The following SUGT1 variants were observed in gnomAD, a reference collection of about 807,000 sequenced individuals.
The protein encoded by SUGT1 is SGT1 assembly cochaperone of MIS12 kinetochore complex, also known as protein SGT1 homolog.
SUGT1 carries 15 observed loss-of-function variants against 56.1 expected under a neutral mutation model. The observed-to-expected ratio is 0.27, with a 90% CI of 0.18 to 0.41. SUGT1 has a LOEUF of 0.41. Ranked by LOEUF, SUGT1 falls within the 10% of genes least tolerant of loss-of-function variation. SUGT1 has a pLI of 1.00. For missense variants in SUGT1, 347 were observed against 382.2 expected (o/e 0.91, Z 0.77); for synonymous variants, 123 against 128.6 (o/e 0.96, Z 0.30).
At chr13:52,673,980 TC>T (rs1310500932) in intron 10 of SUGT1, among the ~76,000 whole-genome samples, 4 of 152,004 alleles carry the variant, frequency 2.6e-5, no homozygotes, top group Non-Finnish European at 4.4e-5. Flanking sequence ...TTTAGGGAAT[TC>T]TAGAGATTCT....
chr13:52,678,645 A>G lies in SUGT1; in HGVS notation c.719-1329A>G, dbSNP rs1368183984. ...GCTACAGTTTGAAGAGTTAGTATGA[A>G]AAAAAGAATATAAAATATCTTCATT... On this transcript the variant is annotated intron_variant, in intron 11 of 12. Transcript: ENST00000310528. Among the ~76,000 whole-genome samples the G allele has an allele frequency of 2.0e-5, 3 of 149,566 alleles. No homozygotes were observed. In the East Asian group the frequency reaches 5.9e-4, roughly 29 times the overall value.
chr13:52,662,528 G>A, intron 5 of SUGT1, 121 bp from the exon 6 acceptor site: 1 of 847,696 alleles, frequency 1.2e-6, no homozygotes, highest in Non-Finnish European at 1.9e-6. Context: ...GACAGGTTTT[G>A]TTCGCTGCCG....
intron 7 of SUGT1, among the ~76,000 whole-genome samples, chr13:52,663,737 T>G (rs1962561874): frequency 6.6e-6 from 1 of 152,232 alleles, no homozygotes; most frequent in East Asian, 1.9e-4. Flanking sequence ...CCTTTTCTAA[T>G]CATGCCTTTA....
intron 1 of SUGT1, 38 bp from the exon 2 acceptor site, chr13:52,653,008 G>T: frequency 6.2e-7 from 1 of 1,614,138 alleles, no homozygotes; most frequent in Non-Finnish European, 8.5e-7. Flanking sequence ...CCTTTCCTTG[G>T]CTAGTGAGCC....
chr13:52,656,180 G>C (rs1962158862), intron 2 of SUGT1, among the ~76,000 whole-genome samples: 1 of 152,166 alleles, frequency 6.6e-6, no homozygotes, highest in African/African-American at 2.4e-5. Context: ...TGGGGAAAAG[G>C]CTGAAAAAAG....
chr13:52,665,182 G>A (rs1464061731), intron 8 of SUGT1, among the ~76,000 whole-genome samples: 4 of 152,174 alleles, frequency 2.6e-5, no homozygotes, highest in African/African-American at 9.7e-5. Flanking sequence ...AGAGCTTGGA[G>A]TGTTGACTCA....
At chr13:52,682,314 T>TCA (rs1963409591) in intron 12 of SUGT1, among the ~76,000 whole-genome samples, 1 of 152,172 alleles carries the variant, frequency 6.6e-6, no homozygotes, top group African/African-American at 2.4e-5. Context: ...TCCTTATGCC[T>TCA]CAGCCTCCCA....
rs959442659 is a variant in SUGT1 at position 52,687,741 on chromosome 13, C to T, written c.908C>T (p.Ser303Leu). ...KRAMNKSFME[S>L]GGTVLSTNWS... ...TTTTATTTTTCATTGCAGATGGAGT[C>T]GGGTGGTACAGTTTTGAGTACCAAC... Residue 303 changes from serine to leucine, a missense_variant, in exon 13 of 13, where the codon TCG (serine) becomes TTG (leucine). Coordinates refer to ENST00000310528, the MANE Select transcript of SUGT1 (RefSeq NM_006704.5). 2 of 1,585,056 alleles carry T rather than the reference C, an allele frequency of 1.3e-6. No homozygotes were observed. The highest frequency in any genetic ancestry group is 2.7e-5 in the African/African-American group (2 of 73,346).
Position 52,665,626 on chromosome 13 carries a change from T to G in SUGT1, c.423-11T>G. Reference sequence around the variant, plus strand: ...GAAGAGTTACCTAAGTTTCTTTTTTTTTTTTAATAGGTATGACTGGTATCA... The same window carrying G: ...GAAGAGTTACCTAAGTTTCTTTTTTGTTTTTAATAGGTATGACTGGTATCA... On this transcript the variant is annotated splice_polypyrimidine_tract_variant and intron_variant, in intron 8 of 12. Coordinates refer to ENST00000310528, the MANE Select transcript of SUGT1 (RefSeq NM_006704.5). 3 of 1,541,700 alleles carry G rather than the reference T, an allele frequency of 1.9e-6. No individual in the cohort carries two copies. Among genetic ancestry groups the G allele is most frequent in the Non-Finnish European group, 8.7e-7 (1 of 1,152,528 alleles).
intron 3 of SUGT1, chr13:52,658,080 T>A (rs1161156668): frequency 8.1e-7 from 1 of 1,240,464 alleles, no homozygotes; most frequent in African/African-American, 1.6e-5. Flanking sequence ...TATTTCTGTA[T>A]TTTGTACCTT....
intron 10 of SUGT1, among the ~76,000 whole-genome samples, chr13:52,673,189 G>A (rs1963007732): frequency 6.6e-6 from 1 of 151,872 alleles, no homozygotes; most frequent in African/African-American, 2.4e-5. Context: ...AACATTGAAA[G>A]TGAATTAAAT....
chr13:52,667,084 CAA>C (rs1389106974), intron 10 of SUGT1, among the ~76,000 whole-genome samples, 165 bp downstream of exon 10: 2 of 152,120 alleles, frequency 1.3e-5, no homozygotes, highest in Non-Finnish European at 2.9e-5. Context: ...TTTTACCTCT[CAA>C]ATTCTAGTAC....
In SUGT1 at chr13:52,689,250, G is replaced by A. The variant is rs1367597716; in HGVS notation, c.*1415G>A. 2.6e-5 allele frequency: 4 copies of A among 152,110 alleles called. No individual in the cohort carries two copies. Among genetic ancestry groups the A allele is most frequent in the African/African-American group, 9.7e-5 (4 of 41,410 alleles). 9.4% of individuals were successfully genotyped at this position (152,110 alleles called of 1,614,324 possible). A position where few individuals can be genotyped will look rare whatever the true frequency, so the allele number is the denominator to read the frequency against. Reference sequence around the variant, plus strand: ...TTTAAGCATTCTAGAGTTTTCACTTGTCCTTCTGTCCACTTAGAGCTACTA... The same window carrying A: ...TTTAAGCATTCTAGAGTTTTCACTTATCCTTCTGTCCACTTAGAGCTACTA... On this transcript the variant is annotated 3_prime_UTR_variant, in exon 13 of 13. Coordinates refer to ENST00000310528, the MANE Select transcript of SUGT1 (RefSeq NM_006704.5).
intron 12 of SUGT1, among the ~76,000 whole-genome samples, chr13:52,683,500 A>C (rs1963455644): frequency 6.6e-6 from 1 of 152,030 alleles, no homozygotes; most frequent in Non-Finnish European, 1.5e-5. Context: ...TCTATCTTCT[A>C]ATGTTTTGTT....
chr13:52,669,878 T>G (rs945566552), intron 10 of SUGT1, among the ~76,000 whole-genome samples: 1 of 152,222 alleles, frequency 6.6e-6, no homozygotes, highest in Non-Finnish European at 1.5e-5. Flanking sequence ...ATTAAAATAC[T>G]GAAAATAAAA....
intron 12 of SUGT1, 145 bp downstream of exon 12, chr13:52,680,300 C>CT: frequency 1.5e-6 from 1 of 680,114 alleles, no homozygotes; most frequent in Non-Finnish European, 2.3e-6. Context: ...TCTTTTTGCT[C>CT]TAAGAGTAAT....
rs1013066586 is a variant in SUGT1, at chr13:52,696,904, T to C, written c.*9069T>C. 6.8e-5 allele frequency: 10 copies of C among 146,456 alleles called. No homozygotes were observed. Among genetic ancestry groups the C allele is most frequent in the Non-Finnish European group, 1.3e-4 (9 of 66,720 alleles). 9.1% of individuals were successfully genotyped at this position (146,456 alleles called of 1,614,324 possible). On this transcript the variant is annotated 3_prime_UTR_variant, in exon 13 of 13. Coordinates refer to ENST00000310528, the MANE Select transcript of SUGT1 (RefSeq NM_006704.5). ...ATATAACTAATCAAAACCAGTGTGA[T>C]ATCCAAGTACTTTTTTTTTTTTTTT...
At chr13:52,670,529 G>C (rs547117313) in intron 10 of SUGT1, among the ~76,000 whole-genome samples, 2 of 151,966 alleles carry the variant, frequency 1.3e-5, no homozygotes, top group Non-Finnish European at 2.9e-5. Context: ...TTCACAAGTC[G>C]GGCACGGTGG....
At chr13:52,668,771 A>G (rs1962817304) in intron 10 of SUGT1, among the ~76,000 whole-genome samples, 1 of 151,898 alleles carries the variant, frequency 6.6e-6, no homozygotes, top group African/African-American at 2.4e-5. Context: ...TTGCTAATGC[A>G]AGTGAGCTGA....
Sources: allele counts gnomAD v4.1 joint callset (sites outside exome capture counted in the v4.1 genomes callset), GRCh38; gene constraint gnomAD v4.1.1; transcripts MANE v1.5; gene names NCBI Gene and HGNC (gene_info 2026-07-23, HGNC 2026-07-21).